Variants in DCDC2C observed in about 807,000 individuals in gnomAD.
The protein encoded by DCDC2C is doublecortin domain containing 2C.
A neutral mutation model predicts 45.0 loss-of-function variants in DCDC2C; 44 were observed. The observed-to-expected ratio is 0.98, with a 90% CI of 0.77 to 1.26. The LOEUF (loss-of-function observed/expected upper bound fraction) is 1.26. DCDC2C is among the 50% of genes most tolerant of loss of function. The pLI, the probability that DCDC2C is intolerant of heterozygous loss-of-function variation, is 0.00. For missense variants in DCDC2C, 447 were observed against 468.9 expected, an observed-to-expected ratio of 0.95 and a Z score of 0.43; for synonymous variants, 187 against 178.8, an observed-to-expected ratio of 1.05 and a Z score of -0.37.
At chr2:3,754,806 G>A (rs1016235228) in intron 6 of DCDC2C, among the ~76,000 whole-genome samples, 172 bp downstream of exon 6, 8 of 152,364 alleles carry the variant, frequency 5.3e-5, no homozygotes, top group Middle Eastern at 3.4e-3. Context: ...GCACTTCTGA[G>A]AATGGTGTGA....
chr2:3,838,452 C>CAGAGAG (rs61141962), intron 10 of DCDC2C, among the ~76,000 whole-genome samples: 8,432 of 112,296 alleles, frequency 0.075, 363 homozygotes, highest in Non-Finnish European at 0.12. Context: ...AGGATCATGA[C>CAGAGAG]AGAGAGAGAG....
In DCDC2C at chr2:3,769,187, C is replaced by A. The variant is rs1572601774; in HGVS notation, c.854-124C>A. The A allele has an allele frequency of 3.7e-6, 3 of 812,700 alleles. No homozygotes were observed. In the East Asian group the frequency reaches 8.1e-5, roughly 22 times the overall value. 50.3% of individuals were successfully genotyped at this position (812,700 alleles called of 1,614,324 possible). On this transcript the variant is annotated intron_variant, in intron 7 of 10. Transcript: ENST00000399143. ...GGCGGACGGGGTTTGGGACTGCAGA[C>A]CAGGTGGCCTGCCCGAAGCTCCAGG... is the stretch of plus-strand genomic sequence containing the variant.
At chr2:3,711,460 C>T (rs746865232) in intron 2 of DCDC2C, among the ~76,000 whole-genome samples, 121 of 152,074 alleles carry the variant, frequency 8.0e-4, no homozygotes, top group Admixed American at 1.8e-3. Flanking sequence ...TACTATGCAG[C>T]CATAAAAAAA....
In DCDC2C at chr2:3,813,060, TATATA is replaced by T. The variant is rs1329286013; in HGVS notation, c.1065+27961_1065+27965del. Among the ~76,000 whole-genome samples the T allele has an allele frequency of 1.8e-3, 139 of 76,356 alleles. 1 individual carries two copies. Among genetic ancestry groups the T allele is most frequent in the Non-Finnish European group, 2.3e-3 (99 of 43,106 alleles). The allele number at this position is 76,356 out of a possible 152,430, so 50.1% of individuals were successfully genotyped here. A position where few individuals can be genotyped will look rare whatever the true frequency, so the allele number is the denominator to read the frequency against. On this transcript the variant is annotated intron_variant, in intron 10 of 10. Transcript: ENST00000399143. ...GAACGTATATATATATATATATATA[TATATA>T]TATTTTTTTTTTTTTGCTGTTTTTG...
rs752819998 is a variant in DCDC2C at position 3,738,539 on chromosome 2, G to GAAAAAAAAAA, written c.417-3381_417-3380insAAAAAAAAAA. ...TACATTTTTTCTGCTGGTCTATCTG[G>GAAAAAAAAAA]GAAAAAAAAAAAAAAAAAAAAAAAA... On this transcript the variant is annotated intron_variant, in intron 3 of 10. Transcript: ENST00000399143. Among the ~76,000 whole-genome samples the GAAAAAAAAAA allele has an allele frequency of 1.1e-4, 6 of 55,256 alleles. 3 individuals are homozygous for GAAAAAAAAAA. The highest frequency in any genetic ancestry group is 6.5e-5 in the Non-Finnish European group (2 of 30,848). The allele number at this position is 55,256 out of a possible 152,430, so 36.3% of individuals were successfully genotyped here.
rs190507963 is a variant in DCDC2C, at chr2:3,800,239, C to T, written c.1065+15139C>T. Among the ~76,000 whole-genome samples, 1,187 of 152,254 alleles carry T rather than the reference C, an allele frequency of 7.8e-3. 14 individuals carry two copies. Among genetic ancestry groups the T allele is most frequent in the African/African-American group, 0.027 (1,138 of 41,540 alleles). On this transcript the variant is annotated intron_variant, in intron 10 of 10. Transcript: ENST00000399143. ...GCCCTGCTTCAGCTCGCACACGGTG[C>T]GCGCACCCACTGACCTGCGCCCACT...
intron 10 of DCDC2C, among the ~76,000 whole-genome samples, chr2:3,812,969 T>A (rs539864940): frequency 8.6e-5 from 13 of 151,710 alleles, no homozygotes; most frequent in African/African-American, 2.7e-4. Context: ...TTCTTTTGCA[T>A]TTGCTGAGTG....
chr2:3,803,867 C>A (rs1389680867), intron 10 of DCDC2C, among the ~76,000 whole-genome samples: 1 of 152,222 alleles, frequency 6.6e-6, no homozygotes, highest in Non-Finnish European at 1.5e-5. Context: ...GCTTTGCACT[C>A]TTCTGACTTC....
At position 3,827,743 on chromosome 2, in the gene DCDC2C, A is replaced by G. The variant is rs1671860935; in HGVS notation, c.1066-19411A>G. Among the ~76,000 whole-genome samples, 9 of 152,286 alleles carry G rather than the reference A, an allele frequency of 5.9e-5. No individual in the cohort carries two copies. The South Asian group carries it at 1.9e-3, about 32-fold the overall frequency. ...CAGAGAAGCTTTTTCTGCTTTCAAG[A>G]AAAGTGGTTCCCCTAGATATTAAAA... is the stretch of plus-strand genomic sequence containing the variant. On this transcript the variant is annotated intron_variant, in intron 10 of 10. Transcript: ENST00000399143.
intron 10 of DCDC2C, among the ~76,000 whole-genome samples, chr2:3,814,005 T>C (rs1194068715): frequency 2.0e-5 from 3 of 152,218 alleles, no homozygotes; most frequent in Non-Finnish European, 2.9e-5. Context: ...TGCTTCACAG[T>C]GCCACTGGTC....
At chr2:3,743,056 A>G (rs1269315637) in intron 4 of DCDC2C, among the ~76,000 whole-genome samples, 2 of 152,198 alleles carry the variant, frequency 1.3e-5, no homozygotes, top group African/African-American at 4.8e-5. Context: ...AAGGGATGGG[A>G]AAAATATCCC....
intron 4 of DCDC2C, among the ~76,000 whole-genome samples, chr2:3,745,141 A>T (rs1364337098): frequency 6.6e-6 from 1 of 152,170 alleles, no homozygotes; most frequent in Non-Finnish European, 1.5e-5. Flanking sequence ...GCCCGCCACC[A>T]TGCCTGGCTA....
intron 4 of DCDC2C, among the ~76,000 whole-genome samples, chr2:3,744,238 C>G (rs1669296535): frequency 6.6e-6 from 1 of 152,122 alleles, no homozygotes; most frequent in African/African-American, 2.4e-5. Context: ...GAGGTGAGAG[C>G]AGAGAGGGAC....
intron 10 of DCDC2C, among the ~76,000 whole-genome samples, chr2:3,785,884 C>T (rs759585732): frequency 2.0e-5 from 3 of 152,150 alleles, no homozygotes; most frequent in Non-Finnish European, 4.4e-5. Flanking sequence ...ATCAGCTCTG[C>T]CTGGCCTTGG....
At chr2:3,833,146 G>A (rs770655942) in intron 10 of DCDC2C, among the ~76,000 whole-genome samples, 8 of 152,130 alleles carry the variant, frequency 5.3e-5, no homozygotes, top group East Asian at 1.9e-4. Flanking sequence ...TTGCCATCAC[G>A]TTGCCCTCTG....
chr2:3,822,503 C>T (rs1246411613), intron 10 of DCDC2C, among the ~76,000 whole-genome samples: 1 of 151,392 alleles, frequency 6.6e-6, no homozygotes, highest in Non-Finnish European at 1.5e-5. Context: ...TTAGTGTTCT[C>T]TTTTTTTCTT....
At position 3,847,343 on chromosome 2, in the gene DCDC2C, T is replaced by A; in HGVS notation, c.*160T>A. 1 of 413,064 alleles carries A rather than the reference T, an allele frequency of 2.4e-6. No homozygotes were observed. 25.6% of individuals were successfully genotyped at this position (413,064 alleles called of 1,614,324 possible). A position where few individuals can be genotyped will look rare whatever the true frequency, so the allele number is the denominator to read the frequency against. Reference sequence around the variant, plus strand: ...AAAGCCAAAGACGAGGTTTCATAATTGAGCTCCATTTCTTCTTATTCCCTT... The same window carrying A: ...AAAGCCAAAGACGAGGTTTCATAATAGAGCTCCATTTCTTCTTATTCCCTT... On this transcript the variant is annotated 3_prime_UTR_variant, in exon 11 of 11. Coordinates refer to ENST00000399143, the MANE Select transcript of DCDC2C (RefSeq NM_001287444.2).
At chr2:3,771,907 G>A (rs1373143757) in intron 8 of DCDC2C, among the ~76,000 whole-genome samples, 1 of 152,242 alleles carries the variant, frequency 6.6e-6, no homozygotes, top group Non-Finnish European at 1.5e-5. Flanking sequence ...CAGGCCATTA[G>A]TGAAGGACGG....
intron 1 of DCDC2C, 140 bp downstream of exon 1, chr2:3,704,178 G>C: frequency 1.2e-6 from 1 of 840,430 alleles, no homozygotes; most frequent in African/African-American, 1.8e-5. Context: ...CGTGGATCCA[G>C]CGCAGCCGGC....
Sources: allele counts gnomAD v4.1 joint callset (sites outside exome capture counted in the v4.1 genomes callset), GRCh38; gene constraint gnomAD v4.1.1; transcripts MANE v1.5; gene names NCBI Gene and HGNC (gene_info 2026-07-23, HGNC 2026-07-21).